UBAC2: variants seen among roughly 807,000 people sequenced by gnomAD.
UBAC2 encodes ubiquitin-associated domain-containing protein 2.
Under a neutral mutation model 44.0 loss-of-function variants are expected in UBAC2, and 26 were observed. The observed-to-expected ratio is 0.59, with a 90% CI of 0.43 to 0.82. UBAC2 has a LOEUF of 0.82. Among genes scored for constraint, UBAC2 ranks in the 40% least tolerant of loss-of-function variants. UBAC2 has a pLI of 0.00. For synonymous variants in UBAC2, 155 were observed against 154.3 expected (o/e 1.00, Z -0.04); for missense variants, 329 against 419.4 (o/e 0.78, Z 1.88).
intron 8 of UBAC2, among the ~76,000 whole-genome samples, chr13:99,373,029 G>A (rs1341335344): frequency 6.6e-6 from 1 of 152,112 alleles, no homozygotes; most frequent in African/African-American, 2.4e-5. Flanking sequence ...CTGAGGACAG[G>A]AGAATGGTGT....
chr13:99,254,895 T>C, intron 4 of UBAC2: 1 of 1,613,130 alleles, frequency 6.2e-7, no homozygotes, highest in Non-Finnish European at 8.5e-7. Context: ...TTTCACTGTT[T>C]ATATTGCTTA....
Position 99,239,875 on chromosome 13 carries a change from G to A in UBAC2, c.159+1321G>A, listed in dbSNP as rs148210951. 1.4e-4 allele frequency among the ~76,000 whole-genome samples: 21 copies of A among 152,270 alleles called. No individual in the cohort carries two copies. In the East Asian group the frequency reaches 4.0e-3, roughly 29 times the overall value. On this transcript the variant is annotated intron_variant, in intron 2 of 8. Coordinates refer to ENST00000403766, the MANE Select transcript of UBAC2 (RefSeq NM_001144072.2). ...GTCACAGGTGTACATGACATCCTTG[G>A]GGGGTGATCAAGGAAATAGGGACCA...
chr13:99,329,079 G>C (rs976777556), intron 6 of UBAC2, among the ~76,000 whole-genome samples: 4 of 152,178 alleles, frequency 2.6e-5, no homozygotes, highest in African/African-American at 9.7e-5. Context: ...CTCATTGCAT[G>C]ACCTTGGCAC....
At chr13:99,332,750 C>G (rs2044733948) in intron 6 of UBAC2, among the ~76,000 whole-genome samples, 1 of 152,230 alleles carries the variant, frequency 6.6e-6, no homozygotes, top group African/African-American at 2.4e-5. Flanking sequence ...CTGCCGGAGA[C>G]TGCGCCACTG....
intron 7 of UBAC2, among the ~76,000 whole-genome samples, chr13:99,358,078 G>A (rs2045213558): frequency 6.6e-6 from 1 of 152,176 alleles, no homozygotes; most frequent in Non-Finnish European, 1.5e-5. Flanking sequence ...GGGAAGGGAT[G>A]GTGAGGTGTG....
chr13:99,382,318 G>A (rs2138932584), intron 8 of UBAC2, among the ~76,000 whole-genome samples: 1 of 152,344 alleles, frequency 6.6e-6, no homozygotes, highest in African/African-American at 2.4e-5. Flanking sequence ...AGGTCAGGTA[G>A]GATTTGAGAG....
At chr13:99,242,376 G>A (rs2043315670) in intron 2 of UBAC2, among the ~76,000 whole-genome samples, 1 of 144,290 alleles carries the variant, frequency 6.9e-6, no homozygotes, top group Non-Finnish European at 1.5e-5. Flanking sequence ...TCCGGGCAGA[G>A]GGGCTCCTCA....
intron 4 of UBAC2, among the ~76,000 whole-genome samples, chr13:99,284,499 G>C (rs534018480): frequency 6.6e-6 from 1 of 152,082 alleles, no homozygotes; most frequent in East Asian, 1.9e-4. Context: ...AACATTTTCC[G>C]CATTTGCTGT....
intron 7 of UBAC2, among the ~76,000 whole-genome samples, chr13:99,343,040 A>G (rs1316343946): frequency 2.6e-5 from 4 of 152,216 alleles, no homozygotes; most frequent in Non-Finnish European, 4.4e-5. Context: ...TTAGCTGGGA[A>G]GAGGCTGTGG....
chr13:99,205,208 GTTTC>G (rs2042855886), intron 1 of UBAC2, among the ~76,000 whole-genome samples: 1 of 152,168 alleles, frequency 6.6e-6, no homozygotes, highest in South Asian at 2.1e-4. Context: ...GGTTGGGGGA[GTTTC>G]TTTAAGTGGA....
intron 6 of UBAC2, among the ~76,000 whole-genome samples, chr13:99,324,530 A>C (rs1303938796): frequency 6.6e-6 from 1 of 152,244 alleles, no homozygotes; most frequent in Non-Finnish European, 1.5e-5. Context: ...TAAGCTACTG[A>C]AATTTGATAA....
intron 7 of UBAC2, among the ~76,000 whole-genome samples, chr13:99,345,110 C>T (rs1413956101): frequency 6.6e-6 from 1 of 152,060 alleles, no homozygotes; most frequent in Non-Finnish European, 1.5e-5. Context: ...AGGAGAGGAC[C>T]AGCAAGAGTG....
Position 99,373,171 on chromosome 13 carries a change from G to GTT in UBAC2, c.927+5281_927+5282dup, listed in dbSNP as rs58290528. 1.8e-3 allele frequency among the ~76,000 whole-genome samples: 256 copies of GTT among 140,026 alleles called. 1 individual carries two copies. Among genetic ancestry groups the GTT allele is most frequent in the African/African-American group, 6.7e-3 (250 of 37,292 alleles). The allele number at this position is 140,026 out of a possible 152,430, so 91.9% of individuals were successfully genotyped here. ...TTATTCCATCTCTCTCTTTTTTATT[G>GTT]TTTTTTTTTTTTTTTTTAAACAGGT... On this transcript the variant is annotated intron_variant, in intron 8 of 8. Transcript: ENST00000403766.
At chr13:99,330,190 G>A (rs2044695129) in intron 6 of UBAC2, among the ~76,000 whole-genome samples, 1 of 151,976 alleles carries the variant, frequency 6.6e-6, no homozygotes, top group Non-Finnish European at 1.5e-5. Flanking sequence ...GCTGGGTGTG[G>A]TGGCTCACAG....
rs528727129 is a variant in UBAC2, at chr13:99,295,818, C to T, written c.390-18279C>T. 2 of 1,609,572 alleles carry T rather than the reference C, an allele frequency of 1.2e-6. No individual in the cohort carries two copies. Among genetic ancestry groups the T allele is most frequent in the South Asian group, 1.1e-5 (1 of 90,608 alleles). On this transcript the variant is annotated intron_variant, in intron 4 of 8. Coordinates refer to ENST00000403766, the MANE Select transcript of UBAC2 (RefSeq NM_001144072.2). The surrounding 1 kb of genome is among the most constrained non-coding windows in gnomAD (Gnocchi z 4.1). The stretch of plus-strand genomic sequence containing the variant: ...CCTGCATATGTGTTGATGTAAAACA[C>T]TAGCGCAGTTATCCTACACAAGGCA...
chr13:99,321,419 G>A (rs1284858805), intron 6 of UBAC2, among the ~76,000 whole-genome samples: 3 of 151,992 alleles, frequency 2.0e-5, no homozygotes, highest in Admixed American at 6.6e-5. Flanking sequence ...AGTGATTCTC[G>A]TGCCTCAGCC....
intron 1 of UBAC2, among the ~76,000 whole-genome samples, chr13:99,209,448 T>C (rs546065544): frequency 5.5e-4 from 83 of 152,096 alleles, no homozygotes; most frequent in African/African-American, 1.9e-3. Flanking sequence ...TTTGGTACCT[T>C]AGTGGAAATT....
rs117648842 is a variant in UBAC2 at position 99,301,786 on chromosome 13, T to C, written c.390-12311T>C. ...AATTTACTCGTTCAAGTAATTAAAGTGTTTTCTTAGCCTTTAATTTGGGCA... is the reference window on the plus strand; with the variant it reads ...AATTTACTCGTTCAAGTAATTAAAGCGTTTTCTTAGCCTTTAATTTGGGCA... On this transcript the variant is annotated intron_variant, in intron 4 of 8. Transcript: ENST00000403766. 3.1e-4 allele frequency among the ~76,000 whole-genome samples: 47 copies of C among 152,378 alleles called. 3 individuals carry two copies. In the East Asian group the frequency reaches 7.1e-3, roughly 23 times the overall value.
intron 7 of UBAC2, among the ~76,000 whole-genome samples, chr13:99,356,973 A>C (rs914941929): frequency 2.0e-5 from 3 of 152,140 alleles, no homozygotes; most frequent in Non-Finnish European, 4.4e-5. Context: ...GCTTTTGCTG[A>C]GGACAGCAGC....
Sources: gnomAD v4.1 joint callset for allele counts (sites outside exome capture counted in the v4.1 genomes callset) on GRCh38, gnomAD v4.1.1 for gene constraint, Gnocchi (gnomAD v3.1) non-coding constraint, MANE v1.5 for transcripts, NCBI Gene and HGNC (gene_info 2026-07-23, HGNC 2026-07-21) for gene names.